COL14A1: variants seen among roughly 807,000 people sequenced by gnomAD.
The protein encoded by COL14A1 is collagen type XIV alpha 1 chain, also known as collagen alpha-1(XIV) chain.
Under a neutral mutation model 230.3 loss-of-function variants are expected in COL14A1, and 136 were observed. That is an observed-to-expected ratio of 0.59 (90% CI 0.51 to 0.68). COL14A1 has a LOEUF of 0.68. COL14A1 is among the 30% of genes least tolerant of loss of function. The probability of loss-of-function intolerance (pLI) is 0.00; values close to 1 mark genes in which losing one functional copy is unlikely to be tolerated. For synonymous variants in COL14A1, 792 were observed against 784.1 expected (o/e 1.01, Z -0.17); for missense variants, 1,976 against 2,215.8 (o/e 0.89, Z 2.17).
At chr8:120,308,165 A>G (rs1820910178) in intron 36 of COL14A1, among the ~76,000 whole-genome samples, 2 of 152,172 alleles carry the variant, frequency 1.3e-5, no homozygotes, top group Non-Finnish European at 2.9e-5. Context: ...TATTTTTAAT[A>G]GAGATGGGGT....
chr8:120,315,223 A>T (rs1190687174), intron 38 of COL14A1, among the ~76,000 whole-genome samples: 1 of 152,020 alleles, frequency 6.6e-6, no homozygotes, highest in Non-Finnish European at 1.5e-5. Context: ...TACAAAAATT[A>T]GCTGGGTGTG....
intron 19 of COL14A1, among the ~76,000 whole-genome samples, chr8:120,243,321 G>A (rs536878090): frequency 2.0e-5 from 3 of 152,270 alleles, no homozygotes; most frequent in Admixed American, 2.0e-4. Context: ...TAAAAAAGCT[G>A]CACCGTTTTT....
chr8:120,188,826 A>C (rs570517484), intron 5 of COL14A1, among the ~76,000 whole-genome samples: 12 of 152,238 alleles, frequency 7.9e-5, no homozygotes, highest in Admixed American at 4.6e-4. Context: ...TTATGCACTC[A>C]TTCCTTTATA....
intron 13 of COL14A1, chr8:120,213,957 A>G (rs1175005747): frequency 4.7e-6 from 2 of 421,290 alleles, no homozygotes; most frequent in East Asian, 7.8e-5. Context: ...TAAGAGATTC[A>G]CTAACTCCTA....
chr8:120,367,944 GAA>G (rs140851070), intron 46 of COL14A1, among the ~76,000 whole-genome samples: 1 of 131,090 alleles, frequency 7.6e-6, no homozygotes. Flanking sequence ...ACCCTGTCTC[GAA>G]AAAAAAAAAA....
chr8:120,296,807 C>T (rs1208846628), intron 34 of COL14A1, among the ~76,000 whole-genome samples: 1 of 151,916 alleles, frequency 6.6e-6, no homozygotes, highest in East Asian at 1.9e-4. Flanking sequence ...TGATCAATGG[C>T]TTAAATAAGA....
chr8:120,167,574 T>C (rs904859105), intron 4 of COL14A1, among the ~76,000 whole-genome samples: 5 of 152,220 alleles, frequency 3.3e-5, no homozygotes, highest in African/African-American at 9.6e-5. Context: ...CCAAGGGGCA[T>C]TTTTTGGTCC....
chr8:120,156,264 G>T (rs1186552210), intron 2 of COL14A1, among the ~76,000 whole-genome samples: 1 of 151,936 alleles, frequency 6.6e-6, no homozygotes, highest in African/African-American at 2.4e-5. Context: ...CCGCCTCCTG[G>T]ATTCAATTAA....
chr8:120,365,912 A>G (rs1188946389), intron 45 of COL14A1, among the ~76,000 whole-genome samples: 1 of 152,218 alleles, frequency 6.6e-6, no homozygotes, highest in Non-Finnish European at 1.5e-5. Flanking sequence ...AGCTTTTTAA[A>G]AGAGATGCCA....
chr8:120,180,650 G>T (rs1057189714), intron 5 of COL14A1, among the ~76,000 whole-genome samples: 5 of 149,864 alleles, frequency 3.3e-5, no homozygotes, highest in African/African-American at 1.2e-4. Flanking sequence ...AGAGTTTCAG[G>T]TTCCAGAATT....
At chr8:120,135,737 T>C (rs1814690275) in intron 1 of COL14A1, among the ~76,000 whole-genome samples, 1 of 152,066 alleles carries the variant, frequency 6.6e-6, no homozygotes, top group East Asian at 1.9e-4. Flanking sequence ...TTTTAACCCA[T>C]GAACATGGTG....
chr8:120,305,122 G>T (rs1222929262), intron 36 of COL14A1, among the ~76,000 whole-genome samples: 1 of 151,946 alleles, frequency 6.6e-6, no homozygotes, highest in African/African-American at 2.4e-5. Flanking sequence ...GGGATTACAG[G>T]CATGTGCCAC....
At chr8:120,144,965 C>A in intron 1 of COL14A1, among the ~76,000 whole-genome samples, 1 of 151,492 alleles carries the variant, frequency 6.6e-6, no homozygotes, top group South Asian at 2.1e-4. Context: ...AAATCTTAAC[C>A]CAGTAAATGA....
At chr8:120,220,742 G>A (rs28731192) in intron 14 of COL14A1, among the ~76,000 whole-genome samples, 15,668 of 152,062 alleles carry the variant, frequency 0.1, 1,090 homozygotes, top group Non-Finnish European at 0.15. Context: ...TTCAACAAAT[G>A]TCTATGCTGC....
At chr8:120,272,725 G>A (rs1457456027) in intron 26 of COL14A1, among the ~76,000 whole-genome samples, 1 of 151,602 alleles carries the variant, frequency 6.6e-6, no homozygotes, top group Admixed American at 6.6e-5. Flanking sequence ...ATGATAAAAG[G>A]ATTGATCCAA....
At chr8:120,356,485 C>A (rs1325503638) in intron 45 of COL14A1, among the ~76,000 whole-genome samples, 6 of 152,208 alleles carry the variant, frequency 3.9e-5, no homozygotes, top group Admixed American at 3.9e-4. Flanking sequence ...GTGGTACTTA[C>A]TGAGCATCTA....
chr8:120,184,211 T>TCG (rs1816570737), intron 5 of COL14A1, among the ~76,000 whole-genome samples: 1 of 147,516 alleles, frequency 6.8e-6, no homozygotes, highest in African/African-American at 2.5e-5. Flanking sequence ...GGTGTGTGTG[T>TCG]GGGGGGGGAA....
At chr8:120,357,394 G>A (rs1016632081) in intron 45 of COL14A1, among the ~76,000 whole-genome samples, 2 of 152,068 alleles carry the variant, frequency 1.3e-5, no homozygotes, top group Non-Finnish European at 2.9e-5. Flanking sequence ...ACGCATAGAG[G>A]CTGCTTTCCT....
chr8:120,246,495 CA>C (rs1345886144), intron 20 of COL14A1, among the ~76,000 whole-genome samples: 1 of 151,980 alleles, frequency 6.6e-6, no homozygotes, highest in Non-Finnish European at 1.5e-5. Context: ...GTTTGAAAAC[CA>C]AAATCACAGA....
Sources: allele counts gnomAD v4.1 joint callset (sites outside exome capture counted in the v4.1 genomes callset), GRCh38; gene constraint gnomAD v4.1.1; transcripts MANE v1.5; gene names NCBI Gene and HGNC (gene_info 2026-07-23, HGNC 2026-07-21).